The following DNAI4 variants were observed in gnomAD, a reference collection of about 807,000 sequenced individuals.
DNAI4 encodes WD repeat domain 78.
In DNAI4, 85 loss-of-function variants were observed where a neutral mutation model predicts 105.8. The observed-to-expected ratio is 0.80, with a 90% CI of 0.67 to 0.96. The LOEUF is 0.96. Among genes scored for constraint, DNAI4 ranks in the 40% least tolerant of loss-of-function variants. DNAI4 has a pLI of 0.00. For missense variants in DNAI4, 1,014 were observed against 1,005.6 expected (o/e 1.01, Z -0.11); for synonymous variants, 352 against 331.5 (o/e 1.06, Z -0.67).
chr1:66,893,069 G>GA (rs56959058), intron 3 of DNAI4, among the ~76,000 whole-genome samples, 160 bp downstream of exon 3: 5 of 119,218 alleles, frequency 4.2e-5, no homozygotes, highest in East Asian at 5.0e-4. Flanking sequence ...GAGAGAGAAA[G>GA]AAAGAAAGAA....
chr1:66,882,797 T>C (rs1647102776), intron 4 of DNAI4, among the ~76,000 whole-genome samples: 1 of 152,122 alleles, frequency 6.6e-6, no homozygotes, highest in Non-Finnish European at 1.5e-5. Context: ...TCAATATAAA[T>C]TATAGAATAA....
chr1:66,841,529 T>G (rs894635849), intron 8 of DNAI4, among the ~76,000 whole-genome samples: 5 of 152,114 alleles, frequency 3.3e-5, no homozygotes, highest in Non-Finnish European at 5.9e-5. Context: ...GTTTTTAAAT[T>G]TATTTATTTT....
At chr1:66,907,371 C>A (rs1359086637) in intron 1 of DNAI4, among the ~76,000 whole-genome samples, 1 of 152,188 alleles carries the variant, frequency 6.6e-6, no homozygotes, top group African/African-American at 2.4e-5. Flanking sequence ...CTTTAATCCA[C>A]AATTTATCAA....
chr1:66,906,589 G>A (rs952981967), intron 1 of DNAI4, among the ~76,000 whole-genome samples: 4 of 151,974 alleles, frequency 2.6e-5, no homozygotes, highest in African/African-American at 9.7e-5. Flanking sequence ...TTTAGGGCAG[G>A]AACTTTGTCT....
chr1:66,896,357 T>C (rs1046708794), intron 2 of DNAI4, among the ~76,000 whole-genome samples: 1 of 152,244 alleles, frequency 6.6e-6, no homozygotes, highest in Non-Finnish European at 1.5e-5. Flanking sequence ...GCTTTTAACA[T>C]GTACAATTCA....
At chr1:66,905,842 A>G (rs1569860444) in intron 1 of DNAI4, among the ~76,000 whole-genome samples, 1 of 152,040 alleles carries the variant, frequency 6.6e-6, no homozygotes, top group East Asian at 1.9e-4. Flanking sequence ...TGTGTAGTGC[A>G]GTTACATAGG....
intron 8 of DNAI4, among the ~76,000 whole-genome samples, chr1:66,843,631 C>G (rs1304982060): frequency 6.6e-6 from 1 of 152,132 alleles, no homozygotes; most frequent in African/African-American, 2.4e-5. Context: ...TCTAGTGTTT[C>G]TCCTATGTTA....
rs1199635188 is a variant in DNAI4 at position 66,814,074 on chromosome 1, T to C, written c.*56A>G. 1.1e-5 allele frequency: 16 copies of C among 1,423,860 alleles called. No homozygotes were observed. The highest frequency in any genetic ancestry group is 1.5e-5 in the Non-Finnish European group (16 of 1,036,174). The allele number at this position is 1,423,860 out of a possible 1,614,324, so 88.2% of individuals were successfully genotyped here. On this transcript the variant is annotated 3_prime_UTR_variant, in exon 17 of 17. Transcript: ENST00000371026. ...GGTGTACAGTATGTAATACAGAATATTGGATGTTAATTCCTTTTTTAAAAC... is the reference window on the plus strand; with the variant it reads ...GGTGTACAGTATGTAATACAGAATACTGGATGTTAATTCCTTTTTTAAAAC...
intron 1 of DNAI4, among the ~76,000 whole-genome samples, chr1:66,920,313 C>T (rs1309755617): frequency 1.3e-5 from 2 of 152,176 alleles, no homozygotes; most frequent in East Asian, 3.9e-4. Context: ...CTGAGAACCA[C>T]TTTCACACAA....
intron 8 of DNAI4, among the ~76,000 whole-genome samples, chr1:66,843,508 T>C (rs922965565): frequency 1.3e-5 from 2 of 152,216 alleles, no homozygotes; most frequent in Admixed American, 6.5e-5. Flanking sequence ...TGACAGTGTC[T>C]TTTGCAGAGC....
In DNAI4 at chr1:66,826,930, A is replaced by G. The variant is rs150993208; in HGVS notation, c.2229T>C (p.Phe743=). ...QQENVKPSLS[F]YPATSVVYDV... is the part of the protein sequence containing the mutation. ...CGTAAACAACAGAAGTAGCTGGATAAAAACTCAAAGATGGCTTGACATTCT... is the reference window on the plus strand; with the variant it reads ...CGTAAACAACAGAAGTAGCTGGATAGAAACTCAAAGATGGCTTGACATTCT... The change falls in exon 15 of 17, where the codon TTT becomes TTC. Residue 743 remains phenylalanine (F), a synonymous_variant. Transcript: ENST00000371026. The G allele has an allele frequency of 5.3e-5, 85 of 1,614,196 alleles. No homozygotes were observed. The highest frequency in any genetic ancestry group is 4.9e-4 in the Middle Eastern group (3 of 6,062).
Position 66,874,827 on chromosome 1 carries a change from G to T in DNAI4, c.754C>A (p.Pro252Thr), listed in dbSNP as rs1646927309. Residue 252 changes from proline to threonine, a missense_variant, in exon 5 of 17, where the codon CCC becomes ACC. Physicochemically the swap from Pro to Thr is conservative, Grantham distance 38. Coordinates refer to ENST00000371026, the MANE Select transcript of DNAI4 (RefSeq NM_024763.5). The part of the protein sequence containing the change: ...ETETLRFFDL[P>T]TVMVSVESEE... ...GATTCTACAGAGACCATGACTGTGG[G>T]CAAGTCAAAAAATCTCAGTGTTTCT... The T allele has an allele frequency of 1.2e-6, 2 of 1,613,586 alleles. No homozygotes were observed. The highest frequency in any genetic ancestry group is 1.7e-6 in the Non-Finnish European group (2 of 1,179,744).
At chr1:66,862,417 G>T in intron 6 of DNAI4, 115 bp from the exon 7 acceptor site, 1 of 1,133,452 alleles carries the variant, frequency 8.8e-7, no homozygotes, top group Non-Finnish European at 1.2e-6. Flanking sequence ...ATTGCCTGAT[G>T]CAGTTGCCCG....
At chr1:66,833,883 T>C (rs1645923215) in intron 12 of DNAI4, 108 bp downstream of exon 12, 4 of 1,418,580 alleles carry the variant, frequency 2.8e-6, no homozygotes, top group Non-Finnish European at 2.8e-6. Flanking sequence ...ACCAACCCAA[T>C]TTTTTTCTTA....
At chr1:66,836,563 T>C (rs1040187548) in intron 10 of DNAI4, among the ~76,000 whole-genome samples, 14 of 152,226 alleles carry the variant, frequency 9.2e-5, no homozygotes, top group Non-Finnish European at 1.6e-4. Flanking sequence ...AGTTACTGTG[T>C]TCTACAACCC....
At chr1:66,872,669 T>C (rs867207047) in intron 5 of DNAI4, among the ~76,000 whole-genome samples, 3 of 152,194 alleles carry the variant, frequency 2.0e-5, no homozygotes, top group African/African-American at 7.2e-5. Flanking sequence ...TTTTTTCTAT[T>C]TTTATTTTTT....
intron 6 of DNAI4, among the ~76,000 whole-genome samples, chr1:66,869,056 G>C (rs1228540689): frequency 6.7e-6 from 1 of 149,624 alleles, no homozygotes; most frequent in Non-Finnish European, 1.5e-5. Context: ...CCTGGCGACA[G>C]AGTGAGACTC....
At chr1:66,831,806 C>A (rs545074822) in intron 13 of DNAI4, among the ~76,000 whole-genome samples, 1 of 152,140 alleles carries the variant, frequency 6.6e-6, no homozygotes, top group Non-Finnish European at 1.5e-5. Context: ...TAAAGGCAAG[C>A]AGGTTAGAAA....
chr1:66,911,623 C>T (rs983441620), intron 1 of DNAI4, among the ~76,000 whole-genome samples: 1 of 152,162 alleles, frequency 6.6e-6, no homozygotes, highest in Non-Finnish European at 1.5e-5. Flanking sequence ...ACCATTTGAT[C>T]AAAGACCAAA....
Sources: gnomAD v4.1 joint callset for allele counts (sites outside exome capture counted in the v4.1 genomes callset) on GRCh38, gnomAD v4.1.1 for gene constraint, MANE v1.5 for transcripts, NCBI Gene and HGNC (gene_info 2026-07-23, HGNC 2026-07-21) for gene names.